Variants in CACNB2 observed in about 807,000 individuals in gnomAD.
CACNB2 encodes the protein calcium voltage-gated channel auxiliary subunit beta 2.
A neutral mutation model predicts 73.3 loss-of-function variants in CACNB2; 42 were observed. That is an observed-to-expected ratio of 0.57 (90% CI 0.45 to 0.74). CACNB2 has a LOEUF of 0.74. Among genes scored for constraint, CACNB2 ranks in the 30% least tolerant of loss-of-function variants. The pLI is 0.00. For synonymous variants in CACNB2, 348 were observed against 310.3 expected, an observed-to-expected ratio of 1.12 and a Z score of -1.28; for missense variants, 940 against 853.0, an observed-to-expected ratio of 1.10 and a Z score of -1.27.
chr10:18,484,933 T>C (rs1419222290), intron 3 of CACNB2, among the ~76,000 whole-genome samples: 2 of 152,148 alleles, frequency 1.3e-5, no homozygotes, highest in Non-Finnish European at 2.9e-5. Flanking sequence ...TGCAGGCAGA[T>C]TGCTTGAGTC....
chr10:18,153,394 C>T (rs1217928108), intron 2 of CACNB2, among the ~76,000 whole-genome samples: 1 of 151,948 alleles, frequency 6.6e-6, no homozygotes, highest in Non-Finnish European at 1.5e-5. Context: ...AGTTGTATTT[C>T]TCCTTTGGTA....
Position 18,539,629 on chromosome 10 carries a change from T to G in CACNB2, c.1888T>G (p.Ser630Ala). ...ECNKQRSRHK[S>A]KDRYCEKDGE... ...CAACAAGCAGCGCAGCCGTCATAAA[T>G]CCAAGGATCGCTACTGTGAAAAGGA... Residue 630 changes from serine (S) to alanine (A), a missense_variant, in exon 14 of 14, where the codon TCC becomes GCC. By Grantham distance (99) the Ser-to-Ala change is moderately conservative. Coordinates refer to ENST00000324631, the MANE Select transcript of CACNB2 (RefSeq NM_201596.3). 6.2e-7 allele frequency: 1 copy of G among 1,612,904 alleles called. No individual in the cohort carries two copies. Among genetic ancestry groups the G allele is most frequent in the Non-Finnish European group, 8.5e-7 (1 of 1,179,768 alleles).
chr10:18,339,325 A>G (rs763531203), intron 2 of CACNB2, among the ~76,000 whole-genome samples: 2 of 152,124 alleles, frequency 1.3e-5, no homozygotes, highest in Non-Finnish European at 2.9e-5. Context: ...GTTCGAGACT[A>G]GCCTGGCCAA....
At chr10:18,368,143 G>A (rs1279010688) in intron 2 of CACNB2, among the ~76,000 whole-genome samples, 1 of 152,100 alleles carries the variant, frequency 6.6e-6, no homozygotes, top group Non-Finnish European at 1.5e-5. Context: ...CTAATTTGGT[G>A]TCTTTATTTC....
intron 9 of CACNB2, 25 bp downstream of exon 9, chr10:18,518,993 T>C: frequency 1.2e-6 from 2 of 1,609,350 alleles, no homozygotes; most frequent in Non-Finnish European, 1.7e-6. Context: ...ATACTGGGTT[T>C]TGTGGATTTT....
chr10:18,418,899 C>T (rs1248272056), intron 3 of CACNB2, among the ~76,000 whole-genome samples: 1 of 152,204 alleles, frequency 6.6e-6, no homozygotes, highest in Admixed American at 6.5e-5. Flanking sequence ...GTTTCATTCC[C>T]TGGATTTTTA....
intron 2 of CACNB2, among the ~76,000 whole-genome samples, chr10:18,300,266 C>T (rs1222603299): frequency 6.6e-6 from 1 of 152,124 alleles, no homozygotes; most frequent in Non-Finnish European, 1.5e-5. Context: ...AGGTGATCTG[C>T]CCACCTCGGC....
intron 2 of CACNB2, among the ~76,000 whole-genome samples, chr10:18,243,511 A>G (rs2036741771): frequency 6.6e-6 from 1 of 152,172 alleles, no homozygotes; most frequent in Non-Finnish European, 1.5e-5. Context: ...CCCAAAACTC[A>G]TGTTGAAATT....
intron 2 of CACNB2, among the ~76,000 whole-genome samples, chr10:18,386,420 T>TG (rs2043235131): frequency 6.8e-6 from 1 of 147,978 alleles, no homozygotes; most frequent in African/African-American, 2.5e-5. Flanking sequence ...TTTTTTTTTT[T>TG]GAGACGGAGT....
intron 2 of CACNB2, among the ~76,000 whole-genome samples, chr10:18,251,703 T>C (rs1453270021): frequency 6.6e-6 from 1 of 152,174 alleles, no homozygotes; most frequent in Non-Finnish European, 1.5e-5. Flanking sequence ...TGAGAAGCCA[T>C]CAGAAAACTT....
chr10:18,371,283 G>A (rs1194993903), intron 2 of CACNB2, among the ~76,000 whole-genome samples: 1 of 151,926 alleles, frequency 6.6e-6, no homozygotes, highest in Non-Finnish European at 1.5e-5. Context: ...GTATACATGT[G>A]CCATGTTGGT....
chr10:18,500,880 C>T lies in CACNB2; in HGVS notation c.525C>T (p.Ser175=), dbSNP rs2050157828. 1.2e-6 allele frequency: 2 copies of T among 1,613,620 alleles called. No individual in the cohort carries two copies. The highest frequency in any genetic ancestry group is 1.1e-5 in the South Asian group (1 of 91,068). The change falls in exon 5 of 14, where the codon AGC becomes AGT. Residue 175 remains serine (S), a synonymous_variant. Transcript: ENST00000324631. ...GCTGTGAAATCGGATTCATTCCAAGCCCAGTCAAACTAGAAAACATGAGGC... is the reference window on the plus strand; with the variant it reads ...GCTGTGAAATCGGATTCATTCCAAGTCCAGTCAAACTAGAAAACATGAGGC... ...KEGCEIGFIP[S]PVKLENMRLQ... is the part of the protein sequence containing the mutation.
At chr10:18,194,175 C>T (rs2034528243) in intron 2 of CACNB2, among the ~76,000 whole-genome samples, 1 of 152,156 alleles carries the variant, frequency 6.6e-6, no homozygotes, top group Admixed American at 6.5e-5. Context: ...TGAGTCCCTG[C>T]TCTTCCAGGT....
At chr10:18,539,150 T>C (rs2053896624) in intron 13 of CACNB2, 80 bp from the exon 14 acceptor site, 5 of 1,579,308 alleles carry the variant, frequency 3.2e-6, no homozygotes, top group African/African-American at 2.7e-5. Context: ...AAAAGGACTC[T>C]GCTTGAATGC....
chr10:18,140,972 G>T lies in CACNB2; in HGVS notation c.120+116G>T, dbSNP rs1448738739. The T allele has an allele frequency of 3.3e-6, 5 of 1,517,782 alleles. No individual in the cohort carries two copies. The African/African-American group carries it at 6.9e-5, about 21-fold the overall frequency. 94.0% of individuals were successfully genotyped at this position (1,517,782 alleles called of 1,614,324 possible). ...CTCTAGCCTCGCACCTCCTCCCCTC[G>T]TCGCCTGCCCACCCTCTGCTCCTCT... On this transcript the variant is annotated intron_variant, in intron 1 of 13. Transcript: ENST00000324631.
rs1479818161 is a variant in CACNB2, at chr10:18,358,435, C to T, written c.214-43489C>T. ...TTACTGAGCAACTAGTATATGCTAC[C>T]TGCTGTTCTAGAACCTAGGAATACA... On this transcript the variant is annotated intron_variant, in intron 2 of 13. Transcript: ENST00000324631. 4.6e-5 allele frequency among the ~76,000 whole-genome samples: 7 copies of T among 151,216 alleles called. No individual in the cohort carries two copies. In the East Asian group the frequency reaches 1.2e-3, roughly 26 times the overall value.
At chr10:18,288,124 A>C (rs1358674453) in intron 2 of CACNB2, among the ~76,000 whole-genome samples, 1 of 152,164 alleles carries the variant, frequency 6.6e-6, no homozygotes. Context: ...TAGTGACCTC[A>C]TTTGAACCTG....
chr10:18,269,213 G>C lies in CACNB2; in HGVS notation c.213+118238G>C, dbSNP rs559205824. Among the ~76,000 whole-genome samples the C allele has an allele frequency of 3.9e-5, 6 of 152,252 alleles. No homozygotes were observed. In the South Asian group the frequency reaches 1.0e-3, roughly 26 times the overall value. On this transcript the variant is annotated intron_variant, in intron 2 of 13. Transcript: ENST00000324631. Reference sequence around the variant, plus strand: ...AGCAGGTGAATTTACATCATCTTAAGAGATATTTCCATTAATTTGTGCTAG... The same window carrying C: ...AGCAGGTGAATTTACATCATCTTAACAGATATTTCCATTAATTTGTGCTAG...
At chr10:18,454,807 G>A (rs2047193754) in intron 3 of CACNB2, among the ~76,000 whole-genome samples, 1 of 152,204 alleles carries the variant, frequency 6.6e-6, no homozygotes, top group Non-Finnish European at 1.5e-5. Flanking sequence ...GGGAGGCCAA[G>A]GCAGGAGAAT....
Sources: allele counts gnomAD v4.1 joint callset (sites outside exome capture counted in the v4.1 genomes callset), GRCh38; gene constraint gnomAD v4.1.1; transcripts MANE v1.5; gene names NCBI Gene and HGNC (gene_info 2026-07-23, HGNC 2026-07-21).